The following ASIC2 variants were observed in gnomAD, a reference collection of about 807,000 sequenced individuals.
ASIC2 encodes the protein acid-sensing ion channel 2.
ASIC2 carries 25 observed loss-of-function variants against 57.3 expected under a neutral mutation model. That is an observed-to-expected ratio of 0.44 (90% CI 0.32 to 0.61). The LOEUF (loss-of-function observed/expected upper bound fraction) is 0.61, where lower values mean the gene tolerates loss of function less well. Ranked by LOEUF, ASIC2 falls within the 20% of genes least tolerant of loss-of-function variation. The pLI, the probability that ASIC2 is intolerant of heterozygous loss-of-function variation, is 0.06. For missense variants in ASIC2, 641 were observed against 738.1 expected (o/e 0.87, Z 1.52); for synonymous variants, 319 against 307.5 (o/e 1.04, Z -0.39).
intron 7 of ASIC2, among the ~76,000 whole-genome samples, chr17:33,020,267 C>T (rs185207308): frequency 1.1e-3 from 175 of 152,234 alleles, no homozygotes; most frequent in Non-Finnish European, 1.9e-3. Context: ...CATGTTTAAC[C>T]ATCACAACAA....
At chr17:33,892,838 C>T (rs1053232254) in intron 1 of ASIC2, among the ~76,000 whole-genome samples, 1 of 152,298 alleles carries the variant, frequency 6.6e-6, no homozygotes. Flanking sequence ...GCTGCCTGTG[C>T]TCCGCTGGTG....
At chr17:33,970,426 A>G (rs1029469910) in intron 1 of ASIC2, among the ~76,000 whole-genome samples, 1 of 152,234 alleles carries the variant, frequency 6.6e-6, no homozygotes. Flanking sequence ...AGAGACAGGC[A>G]GTGCCCACAC....
chr17:33,546,131 A>G (rs1170926139), intron 1 of ASIC2, among the ~76,000 whole-genome samples: 1 of 150,338 alleles, frequency 6.7e-6, no homozygotes, highest in Non-Finnish European at 1.5e-5. Flanking sequence ...ATGTAAATAT[A>G]TATACACATA....
chr17:33,841,524 C>A (rs1356468597), intron 1 of ASIC2, among the ~76,000 whole-genome samples: 1 of 152,218 alleles, frequency 6.6e-6, no homozygotes, highest in Non-Finnish European at 1.5e-5. Context: ...AACCACTGGG[C>A]TCTGTTTGAT....
intron 1 of ASIC2, chr17:33,816,862 T>C (rs1912599272): frequency 6.6e-6 from 1 of 152,234 alleles, no homozygotes; most frequent in Non-Finnish European, 1.5e-5. Context: ...TCATCTTCAC[T>C]TGAAGCCAAA....
At chr17:33,394,995 ATCCC>A (rs955915641) in intron 1 of ASIC2, among the ~76,000 whole-genome samples, 9 of 149,428 alleles carry the variant, frequency 6.0e-5, no homozygotes, top group Admixed American at 1.3e-4. Context: ...CTATCCATCC[ATCCC>A]TCCCTCCCTC....
chr17:33,785,061 T>C (rs978333891), intron 1 of ASIC2, among the ~76,000 whole-genome samples: 1 of 152,050 alleles, frequency 6.6e-6, no homozygotes, highest in Non-Finnish European at 1.5e-5. Flanking sequence ...CTTCAGAATA[T>C]TACTATATTT....
intron 1 of ASIC2, among the ~76,000 whole-genome samples, chr17:33,849,486 G>A (rs979816470): frequency 3.9e-5 from 6 of 152,138 alleles, no homozygotes; most frequent in Admixed American, 6.5e-5. Context: ...CCAAGCCTAC[G>A]TTTCTCTGAC....
At chr17:33,091,707 T>C (rs1487855402) in intron 2 of ASIC2, among the ~76,000 whole-genome samples, 1 of 152,092 alleles carries the variant, frequency 6.6e-6, no homozygotes, top group East Asian at 1.9e-4. Context: ...GAGAGTAAAA[T>C]CCTAAAGTAG....
At chr17:33,263,606 G>A (rs1237004936) in intron 1 of ASIC2, among the ~76,000 whole-genome samples, 1 of 146,742 alleles carries the variant, frequency 6.8e-6, no homozygotes, top group Non-Finnish European at 1.5e-5. Flanking sequence ...GAAGACTGCT[G>A]TGCTTGCTCC....
chr17:33,954,128 C>G (rs1055710715), intron 1 of ASIC2, among the ~76,000 whole-genome samples: 1 of 152,128 alleles, frequency 6.6e-6, no homozygotes, highest in Non-Finnish European at 1.5e-5. Context: ...AGTTAACAAC[C>G]AAGAATGAGA....
chr17:33,020,267 C>A (rs185207308), intron 7 of ASIC2, among the ~76,000 whole-genome samples: 26 of 152,116 alleles, frequency 1.7e-4, no homozygotes, highest in African/African-American at 6.0e-4. Context: ...CATGTTTAAC[C>A]ATCACAACAA....
intron 1 of ASIC2, among the ~76,000 whole-genome samples, chr17:33,736,064 A>T (rs1465552938): frequency 6.6e-6 from 1 of 152,066 alleles, no homozygotes; most frequent in Non-Finnish European, 1.5e-5. Flanking sequence ...GAATTCTTGA[A>T]TCTTTAGTGC....
chr17:34,086,550 T>C (rs980373558), intron 1 of ASIC2, among the ~76,000 whole-genome samples: 3 of 152,154 alleles, frequency 2.0e-5, no homozygotes, highest in South Asian at 2.1e-4. Flanking sequence ...AGATGTCTAT[T>C]AGGTCCGCTT....
intron 1 of ASIC2, among the ~76,000 whole-genome samples, chr17:33,760,848 T>C (rs1016193524): frequency 1.1e-4 from 16 of 152,162 alleles, no homozygotes; most frequent in Non-Finnish European, 2.1e-4. Context: ...AATTTAAGAG[T>C]GGTCCTGTCC....
chr17:34,111,348 C>G (rs1419552814), intron 1 of ASIC2, among the ~76,000 whole-genome samples: 1 of 148,330 alleles, frequency 6.7e-6, no homozygotes, highest in African/African-American at 2.5e-5. Flanking sequence ...ATACAGGCAC[C>G]AAAAATGATA....
intron 9 of ASIC2, among the ~76,000 whole-genome samples, chr17:33,015,597 G>A (rs1300825357): frequency 6.6e-6 from 1 of 152,248 alleles, no homozygotes; most frequent in Non-Finnish European, 1.5e-5. Context: ...GAGGGCCAAT[G>A]ATGCTTTGCT....
chr17:33,711,384 G>T (rs1167185240), intron 1 of ASIC2, among the ~76,000 whole-genome samples: 1 of 152,170 alleles, frequency 6.6e-6, no homozygotes, highest in Non-Finnish European at 1.5e-5. Flanking sequence ...ATTTGCCACA[G>T]TTATACCCAC....
At chr17:34,118,071 T>C (rs1254850737) in intron 1 of ASIC2, among the ~76,000 whole-genome samples, 1 of 152,170 alleles carries the variant, frequency 6.6e-6, no homozygotes, top group Non-Finnish European at 1.5e-5. Flanking sequence ...CATTTTCATG[T>C]GTCATGGTAG....
Sources: gnomAD v4.1 joint callset for allele counts (sites outside exome capture counted in the v4.1 genomes callset) on GRCh38, gnomAD v4.1.1 for gene constraint, MANE v1.5 for transcripts, NCBI Gene and HGNC (gene_info 2026-07-23, HGNC 2026-07-21) for gene names.